The following FOXO1 variants were observed in gnomAD, a reference collection of about 807,000 sequenced individuals.
FOXO1 encodes the protein forkhead box protein O1.
Under a neutral mutation model 44.1 loss-of-function variants are expected in FOXO1, and 6 were observed. The observed-to-expected ratio is 0.14, with a 90% CI of 0.07 to 0.27. The LOEUF (loss-of-function observed/expected upper bound fraction) is 0.27. Ranked by LOEUF, FOXO1 falls within the 10% of genes least tolerant of loss-of-function variation. The pLI, the probability that FOXO1 is intolerant of heterozygous loss-of-function variation, is 1.00. For synonymous variants in FOXO1, 380 were observed against 362.7 expected, an observed-to-expected ratio of 1.05 and a Z score of -0.54; for missense variants, 737 against 888.8, an observed-to-expected ratio of 0.83 and a Z score of 2.17.
chr13:40,620,255 A>C, intron 1 of FOXO1: 1 of 1,426,452 alleles, frequency 7.0e-7, no homozygotes. Context: ...CATCCCGGAG[A>C]AAATAGAGAT....
rs1874860425 is a variant in FOXO1 at position 40,578,883 on chromosome 13, CAT to C, written c.631-18025_631-18024del. ...ATGCACATGCACACCCCTCCACGCACATACACATTTCTTTGCCCGCGCTTCTT... is the reference window on the plus strand; with the variant it reads ...ATGCACATGCACACCCCTCCACGCACACACATTTCTTTGCCCGCGCTTCTT... On this transcript the variant is annotated intron_variant, in intron 1 of 2. Transcript: ENST00000379561. 7.2e-5 allele frequency among the ~76,000 whole-genome samples: 11 copies of C among 152,336 alleles called. No individual in the cohort carries two copies. The South Asian group carries it at 2.1e-3, about 29-fold the overall frequency.
At chr13:40,614,394 A>G (rs935262628) in intron 1 of FOXO1, among the ~76,000 whole-genome samples, 12 of 152,220 alleles carry the variant, frequency 7.9e-5, no homozygotes, top group Admixed American at 7.2e-4. Context: ...CAATGGCACC[A>G]TATTTAATTC....
chr13:40,626,490 A>G (rs1423084741), intron 1 of FOXO1, among the ~76,000 whole-genome samples: 1 of 152,226 alleles, frequency 6.6e-6, no homozygotes, highest in African/African-American at 2.4e-5. Flanking sequence ...GCATTTTTGC[A>G]TTCCAGAGGT....
At chr13:40,658,885 G>A (rs1877944946) in intron 1 of FOXO1, among the ~76,000 whole-genome samples, 1 of 152,140 alleles carries the variant, frequency 6.6e-6, no homozygotes, top group African/African-American at 2.4e-5. Context: ...GGTGGTGGGC[G>A]CCTGTAGTCT....
Position 40,638,337 on chromosome 13 carries a change from G to T in FOXO1, c.630+27246C>A, listed in dbSNP as rs555388199. 7.2e-5 allele frequency among the ~76,000 whole-genome samples: 11 copies of T among 152,180 alleles called. No homozygotes were observed. In the South Asian group the frequency reaches 1.5e-3, roughly 20 times the overall value. On this transcript the variant is annotated intron_variant, in intron 1 of 2. Transcript: ENST00000379561. ...AGGAGATAACTTATAGAGGAACGTT[G>T]AAGTGATGTAAGGAAGACATTATAT...
chr13:40,616,181 C>A (rs1449952782), intron 1 of FOXO1, among the ~76,000 whole-genome samples: 1 of 152,076 alleles, frequency 6.6e-6, no homozygotes, highest in Non-Finnish European at 1.5e-5. Context: ...TCTGAAAGAG[C>A]TTTAGTTACT....
At chr13:40,581,848 G>A (rs919053795) in intron 1 of FOXO1, among the ~76,000 whole-genome samples, 2 of 152,144 alleles carry the variant, frequency 1.3e-5, no homozygotes, top group African/African-American at 2.4e-5. Context: ...TTTATGTAAA[G>A]CTTTTTTTAA....
intron 1 of FOXO1, among the ~76,000 whole-genome samples, chr13:40,657,240 G>A (rs555568859): frequency 6.6e-6 from 1 of 151,870 alleles, no homozygotes; most frequent in East Asian, 1.9e-4. Context: ...AAAGGTAGTA[G>A]AAATTCTTCC....
At chr13:40,583,811 G>A (rs1875044546) in intron 1 of FOXO1, among the ~76,000 whole-genome samples, 1 of 152,168 alleles carries the variant, frequency 6.6e-6, no homozygotes, top group Non-Finnish European at 1.5e-5. Context: ...TGTGTTCACT[G>A]GAATGGCATT....
In FOXO1 at chr13:40,665,910, G is replaced by A; in HGVS notation, c.303C>T (p.Ala101=). 8.4e-7 allele frequency: 1 copy of A among 1,185,054 alleles called. No homozygotes were observed. Among genetic ancestry groups the A allele is most frequent in the Non-Finnish European group, 1.0e-6 (1 of 961,178 alleles). The allele number at this position is 1,185,054 out of a possible 1,614,324, so 73.4% of individuals were successfully genotyped here. A position where few individuals can be genotyped will look rare whatever the true frequency, so the allele number is the denominator to read the frequency against. Residue 101 remains alanine, a synonymous_variant, in exon 1 of 3, where the codon GCC becomes GCT. Transcript: ENST00000379561. ...AAAVAAAAAA[A]ATGGLCGDFQ... Reference sequence around the variant, plus strand: ...AGTCCCCGCACAGCCCCCCGGTGGCGGCCGCGGCGGCCGCCGCCGCCACCG... The same window carrying A: ...AGTCCCCGCACAGCCCCCCGGTGGCAGCCGCGGCGGCCGCCGCCGCCACCG...
At chr13:40,576,750 C>A (rs1369441968) in intron 1 of FOXO1, among the ~76,000 whole-genome samples, 1 of 152,140 alleles carries the variant, frequency 6.6e-6, no homozygotes, top group Non-Finnish European at 1.5e-5. Flanking sequence ...ATTTTCATAG[C>A]CAAAGGAGGG....
rs1873828565 is a variant in FOXO1, at chr13:40,558,116, G to A, written c.*933C>T. ...CAAAGTGTACAAACCAGTTAAGCAT[G>A]TATAAAATTAGTACTAATCCAGTTA... On this transcript the variant is annotated 3_prime_UTR_variant, in exon 3 of 3. Coordinates refer to ENST00000379561, the MANE Select transcript of FOXO1 (RefSeq NM_002015.4). 6.6e-6 allele frequency: 1 copy of A among 152,592 alleles called. No individual in the cohort carries two copies. 9.5% of individuals were successfully genotyped at this position (152,592 alleles called of 1,614,324 possible).
chr13:40,563,426 A>G (rs1874122340), intron 1 of FOXO1, among the ~76,000 whole-genome samples: 5 of 152,190 alleles, frequency 3.3e-5, no homozygotes, highest in Admixed American at 2.6e-4. Flanking sequence ...GACTCTCTGT[A>G]CTGCATTCCG....
At chr13:40,599,722 G>T (rs144064542) in intron 1 of FOXO1, among the ~76,000 whole-genome samples, 325 of 152,244 alleles carry the variant, frequency 2.1e-3, no homozygotes, top group African/African-American at 7.6e-3. Context: ...CTCCGGCCTC[G>T]GAGGGGTGGT....
intron 1 of FOXO1, among the ~76,000 whole-genome samples, chr13:40,588,061 G>A (rs1044047952): frequency 2.6e-5 from 4 of 152,138 alleles, no homozygotes; most frequent in South Asian, 2.1e-4. Flanking sequence ...GCTATGGTGC[G>A]GGAGGAAGCC....
chr13:40,665,715 G>T lies in FOXO1; in HGVS notation c.498C>A (p.Ala166=). The T allele has an allele frequency of 1.3e-6, 2 of 1,498,344 alleles. No homozygotes were observed. The highest frequency in any genetic ancestry group is 2.6e-5 in the South Asian group (2 of 76,940). 92.8% of individuals were successfully genotyped at this position (1,498,344 alleles called of 1,614,324 possible). ...RRNAWGNLSY[A]DLITKAIESS... ...TCTCGATGGCCTTGGTGATGAGGTC[G>T]GCGTAGGACAGGTTGCCCCACGCGT... is the stretch of plus-strand genomic sequence containing the variant. Residue 166 remains alanine, a synonymous_variant, in exon 1 of 3, where the codon GCC becomes GCA. Coordinates refer to ENST00000379561, the MANE Select transcript of FOXO1 (RefSeq NM_002015.4).
At chr13:40,579,048 A>G (rs1593386208) in intron 1 of FOXO1, among the ~76,000 whole-genome samples, 1 of 152,198 alleles carries the variant, frequency 6.6e-6, no homozygotes, top group African/African-American at 2.4e-5. Flanking sequence ...TACATCCTTT[A>G]TGTCTAAGCT....
At chr13:40,577,429 G>T (rs887016728) in intron 1 of FOXO1, among the ~76,000 whole-genome samples, 1 of 151,884 alleles carries the variant, frequency 6.6e-6, no homozygotes, top group African/African-American at 2.4e-5. Context: ...TTAAGACAGG[G>T]TCTAAAACTC....
At chr13:40,574,920 G>A (rs1431592157) in intron 1 of FOXO1, among the ~76,000 whole-genome samples, 2 of 152,068 alleles carry the variant, frequency 1.3e-5, no homozygotes, top group South Asian at 2.1e-4. Flanking sequence ...TATTTTGTTC[G>A]AAAATTGCTT....
Sources: gnomAD v4.1 joint callset for allele counts (sites outside exome capture counted in the v4.1 genomes callset) on GRCh38, gnomAD v4.1.1 for gene constraint, MANE v1.5 for transcripts, NCBI Gene and HGNC (gene_info 2026-07-23, HGNC 2026-07-21) for gene names.